NALF1: variants seen among roughly 807,000 people sequenced by gnomAD.
NALF1 encodes the protein family with sequence similarity 155 member A.
In NALF1, 3 loss-of-function variants were observed where a neutral mutation model predicts 48.4. The ratio of observed to expected loss-of-function variants is 0.06; its 90% CI spans 0.03 to 0.16. The LOEUF (loss-of-function observed/expected upper bound fraction) is 0.16, where lower values mean the gene tolerates loss of function less well. Ranked by LOEUF, NALF1 falls within the 10% of genes least tolerant of loss-of-function variation. The pLI, the probability that NALF1 is intolerant of heterozygous loss-of-function variation, is 1.00. For synonymous variants in NALF1, 262 were observed against 245.7 expected (o/e 1.07, Z -0.62); for missense variants, 526 against 571.5 (o/e 0.92, Z 0.81).
At chr13:107,505,408 T>G (rs1460332135) in intron 1 of NALF1, among the ~76,000 whole-genome samples, 1 of 152,096 alleles carries the variant, frequency 6.6e-6, no homozygotes, top group Non-Finnish European at 1.5e-5. Flanking sequence ...TAGTCTATTT[T>G]GTGGTTATGA....
Position 107,540,049 on chromosome 13 carries a change from T to TGTACACACACACACACAC in NALF1, c.915+325632_915+325633insGTGTGTGTGTGTGTGTAC, listed in dbSNP as rs1555307598. On this transcript the variant is annotated intron_variant, in intron 1 of 2. Coordinates refer to ENST00000375915, the MANE Select transcript of NALF1 (RefSeq NM_001080396.3). The stretch of plus-strand genomic sequence containing the variant: ...AATAGATACCCATCAGCTTCTGATG[T>TGTACACACACACACACAC]ACACACACACACACACACACATACA... Among the ~76,000 whole-genome samples the TGTACACACACACACACAC allele has an allele frequency of 4.4e-3, 664 of 149,504 alleles. 7 individuals are homozygous for TGTACACACACACACACAC. Among genetic ancestry groups the TGTACACACACACACACAC allele is most frequent in the African/African-American group, 0.015 (614 of 40,776 alleles).
intron 1 of NALF1, among the ~76,000 whole-genome samples, chr13:107,246,750 A>C (rs1354955225): frequency 6.6e-6 from 1 of 152,214 alleles, no homozygotes; most frequent in East Asian, 1.9e-4. Context: ...CTCTCAAATA[A>C]ATATGCCACA....
intron 1 of NALF1, among the ~76,000 whole-genome samples, chr13:107,636,899 A>T (rs1879992263): frequency 6.7e-6 from 1 of 149,496 alleles, no homozygotes; most frequent in Admixed American, 6.7e-5. Context: ...ATATTATATT[A>T]TATTATATTA....
chr13:107,816,179 A>G (rs1879157862), intron 1 of NALF1, among the ~76,000 whole-genome samples: 1 of 152,200 alleles, frequency 6.6e-6, no homozygotes, highest in Admixed American at 6.5e-5. Flanking sequence ...CTCACCCAAC[A>G]CAGCAGAATG....
intron 1 of NALF1, among the ~76,000 whole-genome samples, chr13:107,796,747 C>G (rs953421852): frequency 6.6e-6 from 1 of 151,964 alleles, no homozygotes; most frequent in Non-Finnish European, 1.5e-5. Flanking sequence ...TTCTCCATGA[C>G]GTTATCAGAG....
chr13:107,859,184 G>A (rs766322370), intron 1 of NALF1, among the ~76,000 whole-genome samples: 10 of 152,126 alleles, frequency 6.6e-5, no homozygotes, highest in Non-Finnish European at 1.5e-4. Context: ...AGGTGAAGAG[G>A]CTAAGTCAGC....
At chr13:107,337,701 G>A (rs909285474) in intron 1 of NALF1, among the ~76,000 whole-genome samples, 2 of 152,114 alleles carry the variant, frequency 1.3e-5, no homozygotes, top group African/African-American at 2.4e-5. Context: ...ACAGAAAAGA[G>A]TTAAGAAAAG....
chr13:107,774,810 T>TA (rs996149060), intron 1 of NALF1, among the ~76,000 whole-genome samples: 11 of 152,090 alleles, frequency 7.2e-5, no homozygotes, highest in Admixed American at 2.6e-4. Flanking sequence ...AACCCTTCCT[T>TA]AAAAAAACAG....
chr13:107,449,623 C>A (rs1884708109), intron 1 of NALF1, among the ~76,000 whole-genome samples: 1 of 152,078 alleles, frequency 6.6e-6, no homozygotes, highest in Admixed American at 6.6e-5. Context: ...TTGTGAAGAT[C>A]TTGGGGAACC....
chr13:107,699,465 C>T (rs1184768881), intron 1 of NALF1, among the ~76,000 whole-genome samples: 1 of 152,094 alleles, frequency 6.6e-6, no homozygotes, highest in Non-Finnish European at 1.5e-5. Flanking sequence ...CTAAAACAGG[C>T]CACTGAAAGG....
intron 1 of NALF1, among the ~76,000 whole-genome samples, chr13:107,522,636 T>A (rs545138736): frequency 1.3e-5 from 2 of 152,086 alleles, no homozygotes; most frequent in South Asian, 4.2e-4. Flanking sequence ...GACAGTCTTG[T>A]TCTGTAGCCC....
chr13:107,439,589 T>G (rs898847229), intron 1 of NALF1, among the ~76,000 whole-genome samples: 21 of 152,218 alleles, frequency 1.4e-4, no homozygotes, highest in Non-Finnish European at 2.8e-4. Context: ...AATGCAATAT[T>G]GTCCCATCCC....
chr13:107,544,448 AC>A (rs1877081510), intron 1 of NALF1, among the ~76,000 whole-genome samples: 1 of 152,190 alleles, frequency 6.6e-6, no homozygotes, highest in Non-Finnish European at 1.5e-5. Context: ...ATTTTGCCCA[AC>A]TCTTTCACTA....
chr13:107,312,674 T>A (rs546345912), intron 1 of NALF1, among the ~76,000 whole-genome samples: 1 of 152,230 alleles, frequency 6.6e-6, no homozygotes, highest in Admixed American at 6.5e-5. Flanking sequence ...ACCCTACATC[T>A]TTTACGAAAT....
intron 1 of NALF1, among the ~76,000 whole-genome samples, chr13:107,332,607 T>C (rs988833572): frequency 6.6e-6 from 1 of 152,172 alleles, no homozygotes; most frequent in Non-Finnish European, 1.5e-5. Context: ...CAAAAATGAT[T>C]TAAAAACAAT....
intron 1 of NALF1, among the ~76,000 whole-genome samples, chr13:107,376,233 T>A (rs912373596): frequency 6.6e-6 from 1 of 152,158 alleles, no homozygotes; most frequent in East Asian, 1.9e-4. Flanking sequence ...CAGTCCAACA[T>A]CTTGCCCTAA....
chr13:107,436,115 T>C (rs763010115), intron 1 of NALF1, among the ~76,000 whole-genome samples: 12 of 152,230 alleles, frequency 7.9e-5, no homozygotes, highest in Non-Finnish European at 1.3e-4. Flanking sequence ...GTGAATTTTG[T>C]GCATGGATTA....
intron 1 of NALF1, among the ~76,000 whole-genome samples, chr13:107,290,477 C>T (rs561532917): frequency 6.6e-6 from 1 of 152,184 alleles, no homozygotes; most frequent in South Asian, 2.1e-4. Flanking sequence ...ATGGTAGTCT[C>T]ACAAGATCTG....
intron 1 of NALF1, among the ~76,000 whole-genome samples, chr13:107,303,888 CT>C (rs1881885763): frequency 6.6e-6 from 1 of 152,062 alleles, no homozygotes; most frequent in African/African-American, 2.4e-5. Context: ...GTAACTATGT[CT>C]GAAAGTATTT....
Sources: gnomAD v4.1 joint callset for allele counts (sites outside exome capture counted in the v4.1 genomes callset) on GRCh38, gnomAD v4.1.1 for gene constraint, MANE v1.5 for transcripts, NCBI Gene and HGNC (gene_info 2026-07-23, HGNC 2026-07-21) for gene names.